SORBS2: variants seen among roughly 807,000 people sequenced by gnomAD.
SORBS2 encodes the protein sorbin and SH3 domain-containing protein 2.
SORBS2 carries 46 observed loss-of-function variants against 97.7 expected under a neutral mutation model. That is an observed-to-expected ratio of 0.47 (90% confidence interval 0.37 to 0.60). The LOEUF is 0.60. Ranked by LOEUF, SORBS2 falls within the 20% of genes least tolerant of loss-of-function variation. The pLI is 0.00. For synonymous variants in SORBS2, 476 were observed against 473.4 expected, an observed-to-expected ratio of 1.01 and a Z score of -0.07; for missense variants, 1,316 against 1,282.3, an observed-to-expected ratio of 1.03 and a Z score of -0.40.
At chr4:185,742,481 C>A (rs1007912015) in intron 2 of SORBS2, among the ~76,000 whole-genome samples, 3 of 152,312 alleles carry the variant, frequency 2.0e-5, no homozygotes, top group African/African-American at 7.2e-5. Context: ...TACTACTGCC[C>A]AGACATACGG....
intron 1 of SORBS2, chr4:185,811,172 CT>C (rs375028068): frequency 2.2e-4 from 34 of 152,268 alleles, no homozygotes; most frequent in African/African-American, 7.7e-4. Context: ...AATCCACTGG[CT>C]ATTATGACCC....
At chr4:185,875,827 T>G (rs1489771535) in intron 1 of SORBS2, among the ~76,000 whole-genome samples, 4 of 152,252 alleles carry the variant, frequency 2.6e-5, no homozygotes, top group Non-Finnish European at 5.9e-5. Context: ...GAGTCTGTAT[T>G]GTCTTTTGAC....
intron 1 of SORBS2, among the ~76,000 whole-genome samples, chr4:185,920,108 T>G (rs764539018): frequency 4.6e-5 from 7 of 152,204 alleles, no homozygotes; most frequent in African/African-American, 1.4e-4. Flanking sequence ...TTCAAAATAG[T>G]GGTACACAAA....
At chr4:185,936,776 G>A (rs747551650) in intron 1 of SORBS2, among the ~76,000 whole-genome samples, 15 of 151,988 alleles carry the variant, frequency 9.9e-5, no homozygotes, top group Admixed American at 4.6e-4. Context: ...TTCCCTTTCC[G>A]TCTGCTTCTA....
intron 4 of SORBS2, among the ~76,000 whole-genome samples, chr4:185,632,603 G>A (rs150443327): frequency 1.2e-3 from 183 of 152,324 alleles, no homozygotes; most frequent in Non-Finnish European, 1.9e-3. Flanking sequence ...GAGCATCGGC[G>A]TCTGTGCAGA....
chr4:185,767,912 G>C (rs894473510), intron 2 of SORBS2, among the ~76,000 whole-genome samples: 5 of 152,138 alleles, frequency 3.3e-5, no homozygotes, highest in African/African-American at 1.2e-4. Flanking sequence ...CTTTGCATGG[G>C]ACCTAAATAT....
chr4:185,880,519 A>T (rs6835317), intron 1 of SORBS2, among the ~76,000 whole-genome samples: 33,498 of 152,224 alleles, frequency 0.22, 3,795 homozygotes, highest in Middle Eastern at 0.31. Flanking sequence ...TTATTGTGTC[A>T]GTTATACCTA....
chr4:185,882,331 G>A (rs1011367839), intron 1 of SORBS2, among the ~76,000 whole-genome samples: 9 of 152,060 alleles, frequency 5.9e-5, no homozygotes, highest in African/African-American at 2.2e-4. Context: ...ATTTGAAAAA[G>A]TATTATGTAA....
chr4:185,590,983 T>C (rs1156350596), intron 13 of SORBS2, among the ~76,000 whole-genome samples: 2 of 152,204 alleles, frequency 1.3e-5, no homozygotes, highest in Non-Finnish European at 2.9e-5. Flanking sequence ...TCATGCCAAC[T>C]TAAAAAAGTT....
At chr4:185,615,787 G>A (rs1278643678) in intron 9 of SORBS2, among the ~76,000 whole-genome samples, 1 of 152,108 alleles carries the variant, frequency 6.6e-6, no homozygotes, top group Non-Finnish European at 1.5e-5. Flanking sequence ...TAAGTGCAAA[G>A]ACATATGCCA....
chr4:185,611,539 T>C lies in SORBS2; in HGVS notation c.2796+241A>G, dbSNP rs142933800. On this transcript the variant is annotated intron_variant, in intron 12 of 14. Transcript: ENST00000418609. ...GATACTCTCGTTTTCTCTTTCTCTT[T>C]CGATATTTTAACTTGAAAATGAAAT... Among the ~76,000 whole-genome samples the C allele has an allele frequency of 1.2e-3, 178 of 152,294 alleles. 1 individual carries two copies. The highest frequency in any genetic ancestry group is 3.9e-3 in the African/African-American group (164 of 41,572).
At chr4:185,701,773 T>C (rs927768466) in intron 2 of SORBS2, among the ~76,000 whole-genome samples, 2 of 50,326 alleles carry the variant, frequency 4.0e-5, no homozygotes, top group Non-Finnish European at 9.4e-5. Flanking sequence ...GCAAATTTCT[T>C]TCTTTTTTTT....
chr4:185,947,044 A>G (rs1327199555), intron 1 of SORBS2, among the ~76,000 whole-genome samples: 1 of 152,212 alleles, frequency 6.6e-6, no homozygotes, highest in African/African-American at 2.4e-5. Flanking sequence ...TTACATATCC[A>G]GGGTAAAATC....
chr4:185,912,411 C>G (rs2099255683), intron 1 of SORBS2, among the ~76,000 whole-genome samples: 1 of 151,458 alleles, frequency 6.6e-6, no homozygotes, highest in Non-Finnish European at 1.5e-5. Context: ...ATGGTGAAAC[C>G]CCGTCTCTAC....
At chr4:185,940,983 C>T (rs981054034) in intron 1 of SORBS2, among the ~76,000 whole-genome samples, 5 of 152,046 alleles carry the variant, frequency 3.3e-5, no homozygotes, top group African/African-American at 1.2e-4. Context: ...TGAGTAGAGG[C>T]TAGGGATGCT....
intron 1 of SORBS2, among the ~76,000 whole-genome samples, chr4:185,784,571 G>A (rs1318416828): frequency 2.6e-5 from 4 of 152,158 alleles, no homozygotes; most frequent in Non-Finnish European, 5.9e-5. Flanking sequence ...CTACCTGTCC[G>A]TGGGATTTCT....
intron 2 of SORBS2, chr4:185,761,542 G>A (rs1040282699): frequency 2.0e-5 from 3 of 152,162 alleles, no homozygotes; most frequent in African/African-American, 7.2e-5. Context: ...TGACTGTCAC[G>A]GACAAGTACA....
At chr4:185,891,644 C>G (rs1047215876) in intron 1 of SORBS2, among the ~76,000 whole-genome samples, 11 of 152,142 alleles carry the variant, frequency 7.2e-5, no homozygotes, top group Admixed American at 4.6e-4. Context: ...CACAAGGAGA[C>G]CCCCTGGCCT....
At chr4:185,804,800 T>C (rs1212435213) in intron 1 of SORBS2, among the ~76,000 whole-genome samples, 1 of 152,172 alleles carries the variant, frequency 6.6e-6, no homozygotes, top group African/African-American at 2.4e-5. Flanking sequence ...AATAGGTTTC[T>C]ATTGTTTTCT....
Sources: allele counts gnomAD v4.1 joint callset (sites outside exome capture counted in the v4.1 genomes callset), GRCh38; gene constraint gnomAD v4.1.1; transcripts MANE v1.5; gene names NCBI Gene and HGNC (gene_info 2026-07-23, HGNC 2026-07-21).